TRPM3: variants seen among roughly 807,000 people sequenced by gnomAD.
TRPM3 encodes long transient receptor potential channel 3.
A neutral mutation model predicts 181.2 loss-of-function variants in TRPM3; 77 were observed. The observed-to-expected ratio is 0.42, with a 90% CI of 0.35 to 0.51. TRPM3 has a LOEUF of 0.51. Ranked by LOEUF, TRPM3 falls within the 20% of genes least tolerant of loss-of-function variation. The pLI is 0.01. For synonymous variants in TRPM3, 745 were observed against 796.4 expected, an observed-to-expected ratio of 0.94 and a Z score of 1.09; for missense variants, 1,759 against 2,196.7, an observed-to-expected ratio of 0.80 and a Z score of 3.98.
At chr9:71,013,484 T>C (rs922828040) in intron 1 of TRPM3, among the ~76,000 whole-genome samples, 2 of 152,028 alleles carry the variant, frequency 1.3e-5, no homozygotes, top group Non-Finnish European at 2.9e-5. Flanking sequence ...TGTATTTCTA[T>C]GCTGTGAAAC....
In TRPM3 at chr9:70,640,629, G is replaced by A. The variant is rs750208209; in HGVS notation, c.1377C>T (p.Ser459=). 1 of 1,613,720 alleles carries A rather than the reference G, an allele frequency of 6.2e-7. No homozygotes were observed. Among genetic ancestry groups the A allele is most frequent in the Non-Finnish European group, 8.5e-7 (1 of 1,179,806 alleles). Residue 459 remains serine, a synonymous_variant, in exon 10 of 26, where the codon AGC becomes AGT. Coordinates refer to ENST00000677713, the MANE Select transcript of TRPM3 (RefSeq NM_001366145.2). ...CGACTCTGTTCCAGGCTAAAGCTAA[G>A]CTCAGTTGGTCTGGGGCCGAGGCAT... ...GANASAPDQL[S]LALAWNRVDI...
rs781306005 is a variant in TRPM3 at position 71,121,249 on chromosome 9, GAGCATC to G, written c.100_105del (p.Asp34_Ala35del). On this transcript the variant is annotated inframe_deletion, in exon 1 of 26. Transcript: ENST00000677713. ...CGGATGGTCCAGTTTAGGGGTCGAG[GAGCATC>G]AGCCTGATTCATGACCCCTTCCAAA... 2.5e-6 allele frequency: 4 copies of G among 1,614,134 alleles called. 1 individual carries two copies. The South Asian group carries it at 4.4e-5, about 18-fold the overall frequency.
At chr9:71,066,945 T>G (rs2062005290) in intron 1 of TRPM3, among the ~76,000 whole-genome samples, 1 of 152,320 alleles carries the variant, frequency 6.6e-6, no homozygotes, top group Non-Finnish European at 1.5e-5. Context: ...ATCATTCTTT[T>G]TGTTCTACAG....
intron 1 of TRPM3, among the ~76,000 whole-genome samples, chr9:71,228,699 A>C (rs1469344115): frequency 6.6e-6 from 1 of 152,158 alleles, no homozygotes; most frequent in Non-Finnish European, 1.5e-5. Context: ...AGAAATAAGA[A>C]AATAATCACA....
chr9:70,786,674 G>A (rs1371093772), intron 6 of TRPM3, among the ~76,000 whole-genome samples: 2 of 152,296 alleles, frequency 1.3e-5, no homozygotes, highest in Non-Finnish European at 2.9e-5. Flanking sequence ...ATTTCCCAAA[G>A]TATTACGTTG....
intron 1 of TRPM3, among the ~76,000 whole-genome samples, chr9:70,936,615 G>A (rs1589903139): frequency 6.6e-6 from 1 of 152,108 alleles, no homozygotes; most frequent in African/African-American, 2.4e-5. Context: ...TTTGGATATG[G>A]TTCAGAGAAA....
chr9:70,688,488 A>G (rs1396073440), intron 8 of TRPM3, among the ~76,000 whole-genome samples: 3 of 152,090 alleles, frequency 2.0e-5, no homozygotes, highest in Non-Finnish European at 4.4e-5. Context: ...TATCATACTT[A>G]TGCCTTTGCA....
intron 1 of TRPM3, among the ~76,000 whole-genome samples, chr9:71,301,734 C>T (rs2086794284): frequency 6.6e-6 from 1 of 152,116 alleles, no homozygotes; most frequent in Admixed American, 6.5e-5. Flanking sequence ...TAAATTCCAG[C>T]TGGGCTGTGA....
intron 6 of TRPM3, among the ~76,000 whole-genome samples, chr9:70,814,088 C>T (rs369951667): frequency 2.0e-5 from 3 of 152,168 alleles, no homozygotes; most frequent in Admixed American, 6.5e-5. Context: ...AGAGCAGTCA[C>T]AATTTATTTT....
intron 1 of TRPM3, among the ~76,000 whole-genome samples, chr9:71,214,885 T>A (rs535181184): frequency 1.3e-5 from 2 of 152,106 alleles, no homozygotes; most frequent in African/African-American, 4.8e-5. Flanking sequence ...GTCTCTCTTC[T>A]TTGATGCTTC....
intron 19 of TRPM3, 81 bp from the exon 20 acceptor site, chr9:70,603,551 C>T (rs1415707927): frequency 1.2e-5 from 18 of 1,521,994 alleles, no homozygotes; most frequent in African/African-American, 2.8e-5. Flanking sequence ...CACAGCAGCA[C>T]AGAGCAGGGT....
chr9:70,764,527 T>C (rs1183077014), intron 7 of TRPM3, among the ~76,000 whole-genome samples: 1 of 152,196 alleles, frequency 6.6e-6, no homozygotes, highest in Non-Finnish European at 1.5e-5. Flanking sequence ...AGGAATGATG[T>C]GCAATTTAGC....
chr9:70,832,854 T>G (rs778441630), intron 5 of TRPM3, among the ~76,000 whole-genome samples: 3 of 152,218 alleles, frequency 2.0e-5, no homozygotes, highest in Non-Finnish European at 4.4e-5. Context: ...GTTACTAATT[T>G]CTAACATGGG....
At position 70,536,073 on chromosome 9, in the gene TRPM3, G is replaced by T; in HGVS notation, c.5040C>A (p.Ser1680Arg). The T allele has an allele frequency of 6.2e-7, 1 of 1,614,234 alleles. No individual in the cohort carries two copies. Among genetic ancestry groups the T allele is most frequent in the Non-Finnish European group, 8.5e-7 (1 of 1,180,036 alleles). ...TGCTTCTCTGGAAGGGATTTCGCAG[G>T]CTTGCTGTGTTCCGCTGCCTGTCGA... ...DKLDRQRNTASLRNPFQRSKS... is the reference protein window; with the variant it reads ...DKLDRQRNTARLRNPFQRSKS... The change falls in exon 26 of 26, where the codon AGC (serine) becomes AGA (arginine). Residue 1680 changes from serine (S) to arginine (R), a missense_variant. Ser to Arg is a moderately radical substitution (Grantham distance 110). Coordinates refer to ENST00000677713, the MANE Select transcript of TRPM3 (RefSeq NM_001366145.2).
At chr9:71,319,841 G>T (rs1292308966) in intron 1 of TRPM3, among the ~76,000 whole-genome samples, 1 of 152,090 alleles carries the variant, frequency 6.6e-6, no homozygotes, top group African/African-American at 2.4e-5. Context: ...AGGAAATTTT[G>T]AGAGAGAAGG....
chr9:71,228,255 C>T (rs906226466), intron 1 of TRPM3, among the ~76,000 whole-genome samples: 3 of 152,134 alleles, frequency 2.0e-5, no homozygotes, highest in African/African-American at 7.2e-5. Flanking sequence ...TCAACTGATG[C>T]TGAAAATTTT....
intron 1 of TRPM3, among the ~76,000 whole-genome samples, chr9:71,025,229 A>G (rs183064655): frequency 5.3e-5 from 8 of 152,202 alleles, no homozygotes; most frequent in Non-Finnish European, 8.8e-5. Context: ...TTATTTTGCA[A>G]TTCCCTTTAC....
chr9:71,206,725 C>T (rs1043323161), intron 1 of TRPM3, among the ~76,000 whole-genome samples: 1 of 151,950 alleles, frequency 6.6e-6, no homozygotes, highest in Admixed American at 6.6e-5. Context: ...TTAGGTCTTA[C>T]ATTGAAGCCT....
At chr9:71,355,511 G>A (rs548363025) in intron 1 of TRPM3, among the ~76,000 whole-genome samples, 1 of 152,238 alleles carries the variant, frequency 6.6e-6, no homozygotes, top group Admixed American at 6.5e-5. Flanking sequence ...ACTGACAACT[G>A]GATTTCAGAC....
Sources: allele counts gnomAD v4.1 joint callset (sites outside exome capture counted in the v4.1 genomes callset), GRCh38; gene constraint gnomAD v4.1.1; transcripts MANE v1.5; gene names NCBI Gene and HGNC (gene_info 2026-07-23, HGNC 2026-07-21).